HPR: variants seen among roughly 807,000 people sequenced by gnomAD.
The protein encoded by HPR is haptoglobin-related protein.
In HPR, 17 loss-of-function variants were observed where a neutral mutation model predicts 18.5. The ratio of observed to expected loss-of-function variants is 0.92; its 90% CI spans 0.63 to 1.38. The LOEUF (loss-of-function observed/expected upper bound fraction) is 1.38. HPR is among the 40% of genes most tolerant of loss of function. The probability of loss-of-function intolerance (pLI) is 0.00; values close to 1 mark genes in which losing one functional copy is unlikely to be tolerated. For synonymous variants in HPR, 176 were observed against 165.0 expected (o/e 1.07, Z -0.51); for missense variants, 457 against 432.4 (o/e 1.06, Z -0.51).
intron 1 of HPR, among the ~76,000 whole-genome samples, chr16:72,068,688 C>G (rs1486008323): frequency 6.6e-6 from 1 of 152,132 alleles, no homozygotes; most frequent in Non-Finnish European, 1.5e-5. Flanking sequence ...ACCTGGTCAC[C>G]TGTGGATGGC....
chr16:72,064,314 A>T (rs1185392814), intron 1 of HPR, among the ~76,000 whole-genome samples: 1 of 152,174 alleles, frequency 6.6e-6, no homozygotes, highest in East Asian at 1.9e-4. Flanking sequence ...TAGCCTGCTT[A>T]AGTTTCCTTG....
rs1230231182 is a variant in HPR, at chr16:72,076,239, C to T, written c.269-64C>T. On this transcript the variant is annotated intron_variant, in intron 4 of 4. Coordinates refer to ENST00000540303, the MANE Select transcript of HPR (RefSeq NM_020995.4). ...CAGTGACAGCCGCCAATGCTTTCAC[C>T]CCTTTCTCAGATGGAAAGGCTCTTG... 80 of 1,594,060 alleles carry T rather than the reference C, an allele frequency of 5.0e-5. No individual in the cohort carries two copies. The East Asian group carries it at 1.7e-3, about 34-fold the overall frequency.
chr16:72,065,831 C>T (rs553545230), intron 1 of HPR, among the ~76,000 whole-genome samples: 21 of 152,102 alleles, frequency 1.4e-4, no homozygotes, highest in Non-Finnish European at 3.1e-4. Context: ...TCAGACAAGC[C>T]GACTCCCACA....
chr16:72,072,309 A>G (rs2041666341), intron 1 of HPR, among the ~76,000 whole-genome samples: 1 of 152,190 alleles, frequency 6.6e-6, no homozygotes, highest in African/African-American at 2.4e-5. Flanking sequence ...TGCCCAGCCT[A>G]TGATTTGTTA....
chr16:72,066,625 C>T (rs1368798492), intron 1 of HPR, among the ~76,000 whole-genome samples: 1 of 152,134 alleles, frequency 6.6e-6, no homozygotes, highest in African/African-American at 2.4e-5. Context: ...CCTAGACAGA[C>T]TAAAGGAGCA....
intron 1 of HPR, among the ~76,000 whole-genome samples, chr16:72,067,125 G>A (rs2041606242): frequency 6.6e-6 from 1 of 152,194 alleles, no homozygotes; most frequent in Non-Finnish European, 1.5e-5. Context: ...AATTAGAAAA[G>A]GAGAGAGAAG....
chr16:72,071,176 C>A (rs1047775598), intron 1 of HPR, among the ~76,000 whole-genome samples: 1 of 152,168 alleles, frequency 6.6e-6, no homozygotes, highest in Non-Finnish European at 1.5e-5. Flanking sequence ...CCAAGTATAG[C>A]GAGCTCAGCG....
Position 72,075,154 on chromosome 16 carries a change from C to G in HPR, c.203C>G (p.Thr68Ser). Residue 68 changes from threonine (T) to serine (S), a missense_variant, in exon 4 of 5, where the codon ACC becomes AGC. Physicochemically the swap from Thr to Ser is moderately conservative, Grantham distance 58 (BLOSUM62 1). Transcript: ENST00000540303. ...TTGCCTTTTGTTTCAGGAGTATACA[C>G]CTTAAATGATAAGAAGCAGTGGATA... ...RLRTEGDGVY[T>S]LNDKKQWINK... 1 of 1,289,828 alleles carries G rather than the reference C, an allele frequency of 7.8e-7. No individual in the cohort carries two copies. Among genetic ancestry groups the G allele is most frequent in the Non-Finnish European group, 1.1e-6 (1 of 905,010 alleles). 79.9% of individuals were successfully genotyped at this position (1,289,828 alleles called of 1,614,324 possible).
intron 1 of HPR, among the ~76,000 whole-genome samples, chr16:72,063,470 C>G (rs1051953605): frequency 6.6e-6 from 1 of 152,092 alleles, no homozygotes; most frequent in African/African-American, 2.4e-5. Context: ...AAGATTTACT[C>G]TCAGGAGTGT....
At chr16:72,074,645 C>T (rs2041697988) in intron 3 of HPR, 3 of 711,726 alleles carry the variant, frequency 4.2e-6, no homozygotes, top group East Asian at 2.7e-5. Flanking sequence ...GTCAGATTTA[C>T]ATCTCCAGCA....
chr16:72,064,583 G>C (rs1349708232), intron 1 of HPR, among the ~76,000 whole-genome samples: 1 of 152,206 alleles, frequency 6.6e-6, no homozygotes, highest in Non-Finnish European at 1.5e-5. Context: ...CCAGCCAATG[G>C]AGTCAGGACA....
Position 72,076,888 on chromosome 16 carries a change from T to G in HPR, c.854T>G (p.Met285Arg). Residue 285 changes from methionine (M) to arginine (R), a missense_variant, in exon 5 of 5, where the codon ATG becomes AGG. Transcript: ENST00000540303. ...ILNEHTFCVGMSKYQEDTCYG... is the reference protein window; with the variant it reads ...ILNEHTFCVGRSKYQEDTCYG... ...AACGAACACACCTTCTGTGTCGGCA[T>G]GTCTAAGTACCAGGAAGACACCTGC... 6.2e-7 allele frequency: 1 copy of G among 1,614,218 alleles called. No individual in the cohort carries two copies. The highest frequency in any genetic ancestry group is 2.2e-5 in the East Asian group (1 of 44,888).
At chr16:72,071,973 A>C (rs565642195) in intron 1 of HPR, among the ~76,000 whole-genome samples, 83 of 152,314 alleles carry the variant, frequency 5.4e-4, no homozygotes, top group Non-Finnish European at 9.6e-4. Flanking sequence ...TATAAATAAA[A>C]ATGTGAATTA....
Position 72,076,336 on chromosome 16 carries a change from T to G in HPR, c.302T>G (p.Val101Gly), listed in dbSNP as rs772587915. 8.7e-6 allele frequency: 14 copies of G among 1,613,942 alleles called. No homozygotes were observed. Among genetic ancestry groups the G allele is most frequent in the Non-Finnish European group, 1.2e-5 (14 of 1,179,916 alleles). ...CGKPKNPANP[V>G]QRILGGHLDA... The stretch of plus-strand genomic sequence containing the variant: ...AAGCCCAAGAATCCGGCAAACCCAG[T>G]GCAGCGGATCCTGGGTGGACACCTG... The change falls in exon 5 of 5, where the codon GTG becomes GGG. Residue 101 changes from valine (V) to glycine (G), a missense_variant. Transcript: ENST00000540303.
chr16:72,077,142 T>G lies in HPR; in HGVS notation c.*61T>G. ...GATTTCAGCCTGGAAGAGGGCAAAG[T>G]GGACGGGAGTGGACAGGAGTGGATG... is the stretch of plus-strand genomic sequence containing the variant. On this transcript the variant is annotated 3_prime_UTR_variant, in exon 5 of 5. Coordinates refer to ENST00000540303, the MANE Select transcript of HPR (RefSeq NM_020995.4). 5 of 1,514,664 alleles carry G rather than the reference T, an allele frequency of 3.3e-6. No homozygotes were observed. The highest frequency in any genetic ancestry group is 3.6e-6 in the Non-Finnish European group (4 of 1,115,244). 93.8% of individuals were successfully genotyped at this position (1,514,664 alleles called of 1,614,324 possible). A position where few individuals can be genotyped will look rare whatever the true frequency, so the allele number is the denominator to read the frequency against.
intron 1 of HPR, among the ~76,000 whole-genome samples, chr16:72,065,053 C>T (rs7189115): frequency 0.61 from 92,115 of 151,720 alleles, 29,063 homozygotes; most frequent in African/African-American, 0.77. Context: ...ATTCTGGTGG[C>T]TGAAAGTTCA....
At chr16:72,069,994 A>G (rs568966195) in intron 1 of HPR, among the ~76,000 whole-genome samples, 39 of 152,318 alleles carry the variant, frequency 2.6e-4, no homozygotes, top group African/African-American at 7.7e-4. Context: ...TTCACTGCAT[A>G]TGTCATTAAA....
intron 1 of HPR, among the ~76,000 whole-genome samples, chr16:72,068,220 G>A (rs1048731839): frequency 2.6e-5 from 4 of 152,150 alleles, no homozygotes; most frequent in Non-Finnish European, 4.4e-5. Context: ...TCTACAGTTC[G>A]AGGGGTTACG....
intron 1 of HPR, among the ~76,000 whole-genome samples, chr16:72,073,357 C>T (rs1165900904): frequency 6.6e-6 from 1 of 152,148 alleles, no homozygotes; most frequent in African/African-American, 2.4e-5. Flanking sequence ...CTTTGCAGCA[C>T]CAAGCATTTG....
Sources: gnomAD v4.1 joint callset for allele counts (sites outside exome capture counted in the v4.1 genomes callset) on GRCh38, gnomAD v4.1.1 for gene constraint, MANE v1.5 for transcripts, NCBI Gene and HGNC (gene_info 2026-07-23, HGNC 2026-07-21) for gene names.